MCUB: variants seen among roughly 807,000 people sequenced by gnomAD.
MCUB encodes mitochondrial calcium uniporter dominant negative subunit beta.
In MCUB, 46 loss-of-function variants were observed where a neutral mutation model predicts 41.4. The observed-to-expected ratio is 1.11, with a 90% CI of 0.88 to 1.42. The LOEUF is 1.42. Ranked by LOEUF, MCUB falls within the 40% of genes most tolerant of loss-of-function variation. The probability of loss-of-function intolerance (pLI) is 0.00; values close to 1 mark genes in which losing one functional copy is unlikely to be tolerated. For synonymous variants in MCUB, 148 were observed against 148.2 expected, an observed-to-expected ratio of 1.00 and a Z score of 0.01; for missense variants, 403 against 404.9, an observed-to-expected ratio of 1.00 and a Z score of 0.04.
intron 1 of MCUB, among the ~76,000 whole-genome samples, chr4:109,603,669 G>A (rs1179610049): frequency 6.6e-6 from 1 of 151,754 alleles, no homozygotes; most frequent in South Asian, 2.1e-4. Context: ...CCTCTGCCCG[G>A]CCACCACCCC....
chr4:109,658,665 C>G (rs901776687), intron 1 of MCUB, among the ~76,000 whole-genome samples: 1 of 152,138 alleles, frequency 6.6e-6, no homozygotes, highest in African/African-American at 2.4e-5. Flanking sequence ...AAGCATGTCT[C>G]TAGACTAGAT....
intron 1 of MCUB, among the ~76,000 whole-genome samples, chr4:109,634,485 G>GAAAAAAAAAAAACAAAAAAAAAAAA (rs1728546101): frequency 8.0e-6 from 1 of 124,424 alleles, no homozygotes; most frequent in Non-Finnish European, 1.7e-5. Flanking sequence ...CTCTGTCTCA[G>GAAAAAAAAAAAACAAAAAAAAAAAA]AAAAAAAAAA....
At chr4:109,654,896 GCC>G (rs1483213282) in intron 1 of MCUB, among the ~76,000 whole-genome samples, 1 of 152,128 alleles carries the variant, frequency 6.6e-6, no homozygotes, top group Admixed American at 6.5e-5. Flanking sequence ...CCATCTGGGT[GCC>G]CTACAATTTA....
At chr4:109,586,239 G>T (rs188687837) in intron 1 of MCUB, among the ~76,000 whole-genome samples, 3 of 152,014 alleles carry the variant, frequency 2.0e-5, no homozygotes, top group Non-Finnish European at 2.9e-5. Flanking sequence ...CCACTTGATC[G>T]AATTGGCTAT....
chr4:109,645,383 A>G (rs1365979067), intron 1 of MCUB, among the ~76,000 whole-genome samples: 1 of 151,986 alleles, frequency 6.6e-6, no homozygotes, highest in African/African-American at 2.4e-5. Flanking sequence ...AGATTACCTT[A>G]ACAGTTTCTT....
chr4:109,658,647 A>C (rs945638100), intron 1 of MCUB, among the ~76,000 whole-genome samples: 1 of 152,156 alleles, frequency 6.6e-6, no homozygotes, highest in Admixed American at 6.5e-5. Context: ...TGGGGACCAC[A>C]TATTGAGAAG....
At chr4:109,597,758 C>T (rs78440362) in intron 1 of MCUB, among the ~76,000 whole-genome samples, 98 of 148,698 alleles carry the variant, frequency 6.6e-4, no homozygotes, top group East Asian at 1.4e-3. Context: ...CCCTCCCGGA[C>T]GGGGTGGCTG....
At chr4:109,573,728 T>G (rs1444516479) in intron 1 of MCUB, among the ~76,000 whole-genome samples, 1 of 152,102 alleles carries the variant, frequency 6.6e-6, no homozygotes, top group Non-Finnish European at 1.5e-5. Flanking sequence ...ACATTGATTG[T>G]CAGACTGAGT....
intron 1 of MCUB, among the ~76,000 whole-genome samples, chr4:109,582,433 G>C (rs190813322): frequency 1.3e-5 from 2 of 150,688 alleles, no homozygotes; most frequent in East Asian, 3.9e-4. Flanking sequence ...TGTAAATGAT[G>C]AGTAAAGGGT....
chr4:109,651,748 A>G (rs892592472), intron 1 of MCUB, among the ~76,000 whole-genome samples: 1 of 152,170 alleles, frequency 6.6e-6, no homozygotes, highest in African/African-American at 2.4e-5. Flanking sequence ...CCATTCTTGC[A>G]CAGGATAAAT....
chr4:109,660,353 A>G lies in MCUB; in HGVS notation c.334A>G (p.Ile112Val). The change falls in exon 3 of 8, where the codon ATC becomes GTC. Residue 112 changes from isoleucine to valine, a missense_variant. Physicochemically the swap from Ile to Val is conservative, Grantham distance 29 (BLOSUM62 3). Transcript: ENST00000394650. ...NEDKGIKTAA[I>V]FTADGNMISA... ...AGATAAGGGTATCAAAACTGCAGCC[A>G]TCTTCACAGCAGGTATATATGTATA... The G allele has an allele frequency of 1.3e-6, 2 of 1,598,132 alleles. No individual in the cohort carries two copies. The highest frequency in any genetic ancestry group is 1.7e-6 in the Non-Finnish European group (2 of 1,166,492).
chr4:109,650,926 G>C (rs1217969160), intron 1 of MCUB, among the ~76,000 whole-genome samples: 1 of 152,130 alleles, frequency 6.6e-6, no homozygotes, highest in Non-Finnish European at 1.5e-5. Flanking sequence ...ATTTGCTTCA[G>C]ATTATATAGC....
intron 1 of MCUB, 53 bp downstream of exon 1, chr4:109,560,489 G>T: frequency 1.1e-6 from 1 of 871,382 alleles, no homozygotes; most frequent in South Asian, 4.6e-5. Flanking sequence ...TGCAAAGTTT[G>T]CGTTGGACAA....
chr4:109,631,762 C>T (rs1728479177), intron 1 of MCUB, among the ~76,000 whole-genome samples: 1 of 152,194 alleles, frequency 6.6e-6, no homozygotes, highest in African/African-American at 2.4e-5. Flanking sequence ...TAGATCGGTA[C>T]TGTCCTTCCA....
intron 1 of MCUB, among the ~76,000 whole-genome samples, chr4:109,622,507 A>G (rs1238386596): frequency 6.6e-6 from 1 of 152,268 alleles, no homozygotes; most frequent in Non-Finnish European, 1.5e-5. Context: ...CTGGAACTTT[A>G]GATTTTGAAA....
Position 109,563,288 on chromosome 4 carries a change from A to G in MCUB, c.99+2852A>G, listed in dbSNP as rs1429488244. 3.9e-5 allele frequency among the ~76,000 whole-genome samples: 6 copies of G among 152,262 alleles called. No individual in the cohort carries two copies. The East Asian group carries it at 1.2e-3, about 29-fold the overall frequency. ...CTATGTTTAAAAAATTTTTACATCA[A>G]GCACTCTGCAGAGCAGCTTAAGTAT... On this transcript the variant is annotated intron_variant, in intron 1 of 7. Transcript: ENST00000394650.
At chr4:109,627,805 C>T (rs530646382) in intron 1 of MCUB, among the ~76,000 whole-genome samples, 4 of 151,638 alleles carry the variant, frequency 2.6e-5, no homozygotes, top group South Asian at 4.2e-4. Flanking sequence ...CCCAGTTACT[C>T]GGGAAACTGA....
chr4:109,663,492 C>G (rs1016852214), intron 3 of MCUB, among the ~76,000 whole-genome samples: 6 of 152,084 alleles, frequency 3.9e-5, no homozygotes, highest in African/African-American at 1.4e-4. Flanking sequence ...TCTCCCCTTC[C>G]ACAAAATAAA....
At chr4:109,642,245 C>CT in intron 1 of MCUB, among the ~76,000 whole-genome samples, 1 of 152,110 alleles carries the variant, frequency 6.6e-6, no homozygotes, top group Non-Finnish European at 1.5e-5. Context: ...TGTCTTCAAT[C>CT]TTTTTAAAGT....
Sources: allele counts gnomAD v4.1 joint callset (sites outside exome capture counted in the v4.1 genomes callset), GRCh38; gene constraint gnomAD v4.1.1; transcripts MANE v1.5; gene names NCBI Gene and HGNC (gene_info 2026-07-23, HGNC 2026-07-21).